Variants in SLCO3A1 observed in about 807,000 individuals in gnomAD.
SLCO3A1 encodes solute carrier organic anion transporter family member 3A1.
SLCO3A1 carries 27 observed loss-of-function variants against 63.1 expected under a neutral mutation model. The ratio of observed to expected loss-of-function variants is 0.43; its 90% CI spans 0.32 to 0.59. SLCO3A1 has a LOEUF of 0.59. SLCO3A1 is among the 20% of genes least tolerant of loss of function. The probability of loss-of-function intolerance (pLI) is 0.09; values close to 1 mark genes in which losing one functional copy is unlikely to be tolerated. For missense variants in SLCO3A1, 773 were observed against 945.8 expected, an observed-to-expected ratio of 0.82 and a Z score of 2.40; for synonymous variants, 473 against 409.9, an observed-to-expected ratio of 1.15 and a Z score of -1.86.
At chr15:91,958,393 G>T (rs1900317393) in intron 2 of SLCO3A1, among the ~76,000 whole-genome samples, 1 of 152,196 alleles carries the variant, frequency 6.6e-6, no homozygotes, top group African/African-American at 2.4e-5. Context: ...TTCTGCATTT[G>T]ATGTCATGGA....
intron 4 of SLCO3A1, 109 bp downstream of exon 4, chr15:92,104,651 G>A: frequency 8.6e-7 from 1 of 1,161,640 alleles, no homozygotes; most frequent in Non-Finnish European, 1.2e-6. Flanking sequence ...CTTGGTGGAG[G>A]CAGAATAATA....
At chr15:92,116,666 T>G (rs2047799085) in intron 4 of SLCO3A1, among the ~76,000 whole-genome samples, 1 of 152,206 alleles carries the variant, frequency 6.6e-6, no homozygotes, top group African/African-American at 2.4e-5. Flanking sequence ...AACAATCTGT[T>G]TGAATGCAAA....
chr15:92,157,728 T>A (rs1361326754), intron 9 of SLCO3A1, among the ~76,000 whole-genome samples: 1 of 152,092 alleles, frequency 6.6e-6, no homozygotes, highest in Non-Finnish European at 1.5e-5. Flanking sequence ...GGATTTTCAT[T>A]TACCCAAAAG....
At chr15:92,159,345 C>T (rs939364331) in intron 9 of SLCO3A1, among the ~76,000 whole-genome samples, 10 of 151,882 alleles carry the variant, frequency 6.6e-5, no homozygotes, top group Admixed American at 4.6e-4. Flanking sequence ...ATTAGCCGGG[C>T]GTGGTGGCAG....
At chr15:92,007,055 C>T (rs959499411) in intron 2 of SLCO3A1, among the ~76,000 whole-genome samples, 4 of 152,206 alleles carry the variant, frequency 2.6e-5, no homozygotes, top group African/African-American at 9.6e-5. Context: ...ACATGCATTG[C>T]ACAACAGTTT....
intron 2 of SLCO3A1, among the ~76,000 whole-genome samples, chr15:92,089,008 A>AT (rs563822068): frequency 2.2e-4 from 20 of 90,520 alleles, no homozygotes; most frequent in Non-Finnish European, 3.2e-4. Context: ...TTATTTATTT[A>AT]TTATTTATTT....
At chr15:92,010,456 T>C (rs1157445721) in intron 2 of SLCO3A1, among the ~76,000 whole-genome samples, 1 of 152,198 alleles carries the variant, frequency 6.6e-6, no homozygotes, top group Non-Finnish European at 1.5e-5. Flanking sequence ...CACTTCTTCC[T>C]AGGACACTTA....
chr15:92,123,618 G>A (rs911806376), intron 5 of SLCO3A1, among the ~76,000 whole-genome samples: 10 of 152,016 alleles, frequency 6.6e-5, no homozygotes, highest in African/African-American at 1.7e-4. Context: ...ATATCTGCCC[G>A]ACAGAGATAG....
rs1037292874 is a variant in SLCO3A1, at chr15:91,981,729, A to AT, written c.646+65277dup. Among the ~76,000 whole-genome samples the AT allele has an allele frequency of 9.1e-4, 138 of 151,998 alleles. 1 individual carries two copies. Among genetic ancestry groups the AT allele is most frequent in the African/African-American group, 3.2e-3 (133 of 41,448 alleles). ...TATCCCTCCTTGTCTGGCTCTCTCAATTTTTTCTTGTTGGAAAGGTTGTCA... is the reference window on the plus strand; with the variant it reads ...TATCCCTCCTTGTCTGGCTCTCTCAATTTTTTTCTTGTTGGAAAGGTTGTCA... On this transcript the variant is annotated intron_variant, in intron 2 of 9. Transcript: ENST00000318445.
chr15:92,038,608 C>G (rs2046756363), intron 2 of SLCO3A1, among the ~76,000 whole-genome samples: 1 of 152,072 alleles, frequency 6.6e-6, no homozygotes, highest in African/African-American at 2.4e-5. Context: ...AGAGAGGACA[C>G]AAACAAATGG....
intron 6 of SLCO3A1, among the ~76,000 whole-genome samples, chr15:92,127,031 G>A (rs2047932744): frequency 6.6e-6 from 1 of 152,228 alleles, no homozygotes; most frequent in South Asian, 2.1e-4. Context: ...AAGATGCAGT[G>A]GAGCCAGGGC....
At chr15:92,083,335 C>T (rs1468443575) in intron 2 of SLCO3A1, among the ~76,000 whole-genome samples, 1 of 152,208 alleles carries the variant, frequency 6.6e-6, no homozygotes, top group Non-Finnish European at 1.5e-5. Flanking sequence ...TTGGTGCTGT[C>T]TCTGTCACTG....
chr15:92,041,813 G>A (rs965147893), intron 2 of SLCO3A1, among the ~76,000 whole-genome samples: 1 of 152,018 alleles, frequency 6.6e-6, no homozygotes, highest in Non-Finnish European at 1.5e-5. Flanking sequence ...TAAACACAGA[G>A]GATAAGTGTA....
intron 2 of SLCO3A1, among the ~76,000 whole-genome samples, chr15:92,052,784 G>A (rs2046972901): frequency 6.6e-6 from 1 of 151,940 alleles, no homozygotes; most frequent in African/African-American, 2.4e-5. Flanking sequence ...TTTATACATA[G>A]GCATAAGTAC....
chr15:91,889,037 A>T (rs571735430), intron 1 of SLCO3A1: 1 of 741,480 alleles, frequency 1.3e-6, no homozygotes, highest in African/African-American at 1.9e-5. Flanking sequence ...AAAAACCAAA[A>T]AAAAAAAACC....
chr15:91,876,858 G>T (rs1171753269), intron 1 of SLCO3A1, among the ~76,000 whole-genome samples: 2 of 152,206 alleles, frequency 1.3e-5, no homozygotes, highest in African/African-American at 4.8e-5. Context: ...ACTGCCCTGT[G>T]GGATCACAGG....
rs1162038612 is a variant in SLCO3A1 at position 91,912,364 on chromosome 15, G to T, written c.181-3629G>T. Among the ~76,000 whole-genome samples the T allele has an allele frequency of 6.6e-6, 1 of 152,180 alleles. No individual in the cohort carries two copies. Among genetic ancestry groups the T allele is most frequent in the African/African-American group, 2.4e-5 (1 of 41,448 alleles). ...TTGCATGACTTCCCAGACTGGCATT[G>T]CAGCCCAGCAGAAGGCCACAGGTCA... On this transcript the variant is annotated intron_variant, in intron 1 of 9. Transcript: ENST00000318445. The surrounding 1 kb of genome is among the most constrained non-coding windows in gnomAD (Gnocchi z 5.0).
At chr15:92,016,916 C>T (rs1007992440) in intron 2 of SLCO3A1, among the ~76,000 whole-genome samples, 2 of 152,128 alleles carry the variant, frequency 1.3e-5, no homozygotes, top group Non-Finnish European at 2.9e-5. Flanking sequence ...AGGGCTTGAT[C>T]GCACATTTGA....
At chr15:91,907,514 C>T (rs1368366850) in intron 1 of SLCO3A1, among the ~76,000 whole-genome samples, 1 of 150,014 alleles carries the variant, frequency 6.7e-6, no homozygotes, top group African/African-American at 2.5e-5. Context: ...CCCAAGGAGG[C>T]CTTTCTTTTT....
Sources: gnomAD v4.1 joint callset for allele counts (sites outside exome capture counted in the v4.1 genomes callset) on GRCh38, gnomAD v4.1.1 for gene constraint, Gnocchi (gnomAD v3.1) non-coding constraint, MANE v1.5 for transcripts, NCBI Gene and HGNC (gene_info 2026-07-23, HGNC 2026-07-21) for gene names.